ANKRD36: variants seen among roughly 807,000 people sequenced by gnomAD.
ANKRD36 encodes the protein ankyrin repeat domain 36, also known as ankyrin repeat domain-containing protein 36A.
In ANKRD36, 179 loss-of-function variants were observed where a neutral mutation model predicts 278.1. The ratio of observed to expected loss-of-function variants is 0.64; its 90% confidence interval spans 0.57 to 0.73. The LOEUF (loss-of-function observed/expected upper bound fraction) is 0.73. Ranked by LOEUF, ANKRD36 falls within the 30% of genes least tolerant of loss-of-function variation. ANKRD36 has a pLI of 0.00. For missense variants in ANKRD36, 1,159 were observed against 1,956.7 expected (o/e 0.59, Z 7.69); for synonymous variants, 320 against 641.1 (o/e 0.50, Z 7.57).
At chr2:97,153,917 CTT>C in intron 14 of ANKRD36, among the ~76,000 whole-genome samples, 1 of 146,422 alleles carries the variant, frequency 6.8e-6, no homozygotes, top group Admixed American at 6.8e-5. Flanking sequence ...TAGTCCCTCT[CTT>C]GGATATCTGA....
intron 17 of ANKRD36, among the ~76,000 whole-genome samples, chr2:97,159,632 C>T (rs1378618081): frequency 1.3e-5 from 2 of 151,244 alleles, no homozygotes; most frequent in African/African-American, 4.8e-5. Context: ...TTGGTATACT[C>T]CTAAGTTGCT....
chr2:97,211,286 T>C (rs1468767668), intron 56 of ANKRD36, among the ~76,000 whole-genome samples: 2 of 151,922 alleles, frequency 1.3e-5, no homozygotes, highest in Non-Finnish European at 2.9e-5. Flanking sequence ...GACATTGATA[T>C]TGACAGGGCT....
intron 70 of ANKRD36, 59 bp downstream of exon 70, chr2:97,244,088 T>C (rs1198242270): frequency 1.3e-6 from 2 of 1,540,998 alleles, no homozygotes; most frequent in African/African-American, 2.7e-5. Context: ...ACTTATACCA[T>C]CTCTTTCATT....
intron 46 of ANKRD36, 122 bp downstream of exon 46, chr2:97,200,647 C>A: frequency 6.9e-7 from 1 of 1,450,318 alleles, no homozygotes; most frequent in African/African-American, 1.4e-5. Flanking sequence ...TGAGATTCTT[C>A]TTTTCTAACA....
chr2:97,129,614 T>G (rs1013342412), intron 6 of ANKRD36, among the ~76,000 whole-genome samples: 4 of 152,068 alleles, frequency 2.6e-5, no homozygotes, highest in African/African-American at 7.2e-5. Flanking sequence ...GGTCTAACGT[T>G]TAAGTCTTTA....
Position 97,144,940 on chromosome 2 carries a change from T to C in ANKRD36, c.1003+228T>C, listed in dbSNP as rs1218093537. On this transcript the variant is annotated intron_variant, in intron 10 of 75. Coordinates refer to ENST00000420699, the MANE Select transcript of ANKRD36 (RefSeq NM_001354587.1). Reference sequence around the variant, plus strand: ...ACATTGAAATTGGGAAGAAGAACAATTGGAGAGCAGTTCAAGATACAAGAG... The same window carrying C: ...ACATTGAAATTGGGAAGAAGAACAACTGGAGAGCAGTTCAAGATACAAGAG... 5.3e-5 allele frequency among the ~76,000 whole-genome samples: 8 copies of C among 151,820 alleles called. 1 individual carries two copies. Among genetic ancestry groups the C allele is most frequent in the South Asian group, 4.2e-4 (2 of 4,780 alleles).
intron 6 of ANKRD36, among the ~76,000 whole-genome samples, chr2:97,131,478 C>T (rs1204835585): frequency 2.0e-5 from 3 of 152,042 alleles, no homozygotes; most frequent in Non-Finnish European, 2.9e-5. Context: ...GAATTATAGT[C>T]ACGAGCCATC....
At chr2:97,202,513 T>G (rs939729729) in intron 48 of ANKRD36, 120 bp downstream of exon 48, 4 of 1,451,112 alleles carry the variant, frequency 2.8e-6, no homozygotes, top group South Asian at 1.4e-5. Flanking sequence ...AGGCTGGAGA[T>G]TCTTCATTTG....
intron 5 of ANKRD36, among the ~76,000 whole-genome samples, chr2:97,125,938 C>T (rs955897145): frequency 4.7e-5 from 7 of 149,756 alleles, no homozygotes; most frequent in Non-Finnish European, 7.4e-5. Flanking sequence ...TGGAACAATA[C>T]GGAGAAAATT....
At chr2:97,134,344 G>A (rs1171220286) in intron 6 of ANKRD36, among the ~76,000 whole-genome samples, 1 of 152,052 alleles carries the variant, frequency 6.6e-6, no homozygotes, top group Non-Finnish European at 1.5e-5. Flanking sequence ...TGAGGAAAAT[G>A]ACTTCATGCT....
intron 52 of ANKRD36, 80 bp downstream of exon 52, chr2:97,206,215 G>T (rs1164651996): frequency 1.5e-6 from 2 of 1,357,690 alleles, no homozygotes; most frequent in African/African-American, 2.9e-5. Flanking sequence ...TCAGCGGGGG[G>T]CTCATCGAAG....
At chr2:97,200,643 T>G (rs2061100008) in intron 46 of ANKRD36, 118 bp downstream of exon 46, 2 of 1,458,192 alleles carry the variant, frequency 1.4e-6, no homozygotes, top group African/African-American at 2.9e-5. Flanking sequence ...AGCTTGAGAT[T>G]CTTCTTTTCT....
chr2:97,113,485 C>G lies in ANKRD36; in HGVS notation c.-255C>G. On this transcript the variant is annotated 5_prime_UTR_variant, in exon 1 of 76. Transcript: ENST00000420699. ...TCCCGCGGCACCTCCGCAGCAACCG[C>G]CGCCTGCACTGGGCGCGCGAGAGCT... 1.9e-6 allele frequency: 1 copy of G among 527,066 alleles called. No individual in the cohort carries two copies. The highest frequency in any genetic ancestry group is 3.3e-6 in the Non-Finnish European group (1 of 304,942). 32.6% of individuals were successfully genotyped at this position (527,066 alleles called of 1,614,324 possible). A position where few individuals can be genotyped will look rare whatever the true frequency, so the allele number is the denominator to read the frequency against.
At chr2:97,147,702 T>G (rs370784142) in intron 11 of ANKRD36, among the ~76,000 whole-genome samples, 1 of 151,736 alleles carries the variant, frequency 6.6e-6, no homozygotes, top group Non-Finnish European at 1.5e-5. Context: ...GGATGAGAAT[T>G]GAATGAGCTG....
chr2:97,197,829 G>A (rs560070556), intron 42 of ANKRD36, among the ~76,000 whole-genome samples: 10 of 151,936 alleles, frequency 6.6e-5, no homozygotes, highest in Non-Finnish European at 1.2e-4. Context: ...AGAAAATTTC[G>A]GAAGGCTAAA....
chr2:97,113,916 T>C lies in ANKRD36; in HGVS notation c.177T>C (p.Asn59=). 6.2e-7 allele frequency: 1 copy of C among 1,612,260 alleles called. No homozygotes were observed. The highest frequency in any genetic ancestry group is 1.1e-5 in the South Asian group (1 of 90,874). Residue 59 remains asparagine, a synonymous_variant, in exon 1 of 76, where the codon AAT becomes AAC. Coordinates refer to ENST00000420699, the MANE Select transcript of ANKRD36 (RefSeq NM_001354587.1). The part of the protein sequence containing the change: ...KYLLLTYYDA[N]KRDRKERTAL... ...TTCTGCTCACGTATTATGACGCCAA[T>C]AAGAGAGACAGGAAGGAAAGGTAAT...
At chr2:97,229,844 A>G (rs1183604525) in intron 67 of ANKRD36, among the ~76,000 whole-genome samples, 3 of 151,018 alleles carry the variant, frequency 2.0e-5, no homozygotes, top group Non-Finnish European at 4.4e-5. Context: ...TGGTGACAAA[A>G]TCTCTCATCA....
intron 6 of ANKRD36, among the ~76,000 whole-genome samples, chr2:97,128,991 T>C (rs913605499): frequency 1.3e-5 from 2 of 152,110 alleles, no homozygotes; most frequent in South Asian, 2.1e-4. Flanking sequence ...TACCCAGTAA[T>C]GGGATGGCTG....
Position 97,131,755 on chromosome 2 carries a change from G to T in ANKRD36, c.799+4621G>T, listed in dbSNP as rs530464485. The stretch of plus-strand genomic sequence containing the variant: ...CTATGATCGATAGTACAGTGTTATA[G>T]CCAATGGCTACATATATTTCTATAA... On this transcript the variant is annotated intron_variant, in intron 6 of 75. Coordinates refer to ENST00000420699, the MANE Select transcript of ANKRD36 (RefSeq NM_001354587.1). 2.5e-3 allele frequency among the ~76,000 whole-genome samples: 379 copies of T among 151,910 alleles called. 6 individuals are homozygous for T. The highest frequency in any genetic ancestry group is 4.1e-3 in the Admixed American group (63 of 15,204).
Sources: gnomAD v4.1 joint callset for allele counts (sites outside exome capture counted in the v4.1 genomes callset) on GRCh38, gnomAD v4.1.1 for gene constraint, MANE v1.5 for transcripts, NCBI Gene and HGNC (gene_info 2026-07-23, HGNC 2026-07-21) for gene names.